MIB2: variants seen among roughly 807,000 people sequenced by gnomAD.
MIB2 encodes E3 ubiquitin-protein ligase MIB2.
Under a neutral mutation model 96.6 loss-of-function variants are expected in MIB2, and 78 were observed. That is an observed-to-expected ratio of 0.81 (90% confidence interval 0.67 to 0.97). MIB2 has a LOEUF of 0.97. Among genes scored for constraint, MIB2 ranks in the 50% least tolerant of loss-of-function variants. The pLI is 0.00. For missense variants in MIB2, 1,543 were observed against 1,424.0 expected (o/e 1.08, Z -1.35); for synonymous variants, 820 against 629.5 (o/e 1.30, Z -4.53).
At chr1:1,616,404 C>T in intron 1 of MIB2, 104 bp from the exon 2 acceptor site, 5 of 821,996 alleles carry the variant, frequency 6.1e-6, no homozygotes, top group East Asian at 3.2e-5. Context: ...CGGCCGTGGG[C>T]CCGAGTGGAC....
chr1:1,629,745 C>A, intron 19 of MIB2, 41 bp downstream of exon 19: 2 of 1,531,274 alleles, frequency 1.3e-6, no homozygotes, highest in Non-Finnish European at 1.8e-6. Context: ...TCCTGCTCAG[C>A]TGGTGGCCCG....
intron 2 of MIB2, 117 bp from the exon 3 acceptor site, chr1:1,623,314 C>T (rs2100431521): frequency 6.9e-6 from 10 of 1,455,322 alleles, no homozygotes; most frequent in Non-Finnish European, 9.1e-6. Flanking sequence ...CCCCGTTGGG[C>T]CTCTCTGCTC....
intron 2 of MIB2, among the ~76,000 whole-genome samples, chr1:1,622,368 G>C (rs920241663): frequency 1.3e-5 from 2 of 152,102 alleles, no homozygotes; most frequent in Admixed American, 1.3e-4. Flanking sequence ...TTGTTAACGA[G>C]ACTGTGCTGA....
intron 18 of MIB2, 24 bp from the exon 19 acceptor site, chr1:1,629,615 C>T (rs755455008): frequency 9.5e-6 from 15 of 1,572,472 alleles, no homozygotes; most frequent in Admixed American, 1.8e-5. Flanking sequence ...AGGGCCGCAG[C>T]CAACCGCGCT....
At chr1:1,615,672 A>G in intron 1 of MIB2, 39 bp downstream of exon 1, 1 of 1,544,242 alleles carries the variant, frequency 6.5e-7, no homozygotes, top group Non-Finnish European at 8.7e-7. Flanking sequence ...GGTCCTCCGC[A>G]CCGTCCCCGA....
chr1:1,629,332 G>T lies in MIB2; in HGVS notation c.2381+21G>T, dbSNP rs61774907. ...TTCCGGTGAGTCCGTGGACGGCGGGGATGGGGTCCGGCGGCCTCCGGGCCC... is the reference window on the plus strand; with the variant it reads ...TTCCGGTGAGTCCGTGGACGGCGGGTATGGGGTCCGGCGGCCTCCGGGCCC... On this transcript the variant is annotated intron_variant, in intron 17 of 19. Transcript: ENST00000355826. 0.34 allele frequency: 489,947 copies of T among 1,455,538 alleles called. 86,504 individuals carry two copies. Among genetic ancestry groups the T allele is most frequent in the Non-Finnish European group, 0.36 (400,871 of 1,116,852 alleles). The allele number at this position is 1,455,538 out of a possible 1,614,324, so 90.2% of individuals were successfully genotyped here. A position where few individuals can be genotyped will look rare whatever the true frequency, so the allele number is the denominator to read the frequency against.
In MIB2 at chr1:1,623,897, A is replaced by G; in HGVS notation, c.371A>G (p.His124Arg). The change falls in exon 4 of 20, where the codon CAT becomes CGT. Residue 124 changes from histidine to arginine, a missense_variant. Coordinates refer to ENST00000355826, the MANE Select transcript of MIB2 (RefSeq NM_001170687.4). ...ACGCAGTGCTACATGCACAACAAGCATGAGCTCGCCCACGCCTTCGACCGC... is the reference window on the plus strand; with the variant it reads ...ACGCAGTGCTACATGCACAACAAGCGTGAGCTCGCCCACGCCTTCGACCGC... ...LCTQCYMHNKHELAHAFDRYE... is the reference protein window; with the variant it reads ...LCTQCYMHNKRELAHAFDRYE... 6.2e-7 allele frequency: 1 copy of G among 1,612,140 alleles called. No homozygotes were observed. Among genetic ancestry groups the G allele is most frequent in the Non-Finnish European group, 8.5e-7 (1 of 1,179,552 alleles).
chr1:1,617,520 A>G (rs1488611856), intron 2 of MIB2: 3 of 152,170 alleles, frequency 2.0e-5, no homozygotes, highest in African/African-American at 2.4e-5. Flanking sequence ...AAGACGGTAA[A>G]TGCTAAATGT....
chr1:1,620,935 G>A (rs1347199484), intron 2 of MIB2, among the ~76,000 whole-genome samples: 4 of 152,252 alleles, frequency 2.6e-5, no homozygotes, highest in African/African-American at 9.6e-5. Context: ...CCATGGAGCT[G>A]GGCTGGCCGG....
intron 2 of MIB2, among the ~76,000 whole-genome samples, chr1:1,622,622 T>C (rs1317167342): frequency 6.6e-6 from 1 of 152,208 alleles, no homozygotes; most frequent in Non-Finnish European, 1.5e-5. Context: ...GTGTGGCGAG[T>C]GGGTCCCTGC....
chr1:1,627,174 G>A lies in MIB2; in HGVS notation c.1341G>A (p.Arg447=). The change falls in exon 11 of 20, where the codon CGG becomes CGA. Residue 447 remains arginine, a synonymous_variant. Coordinates refer to ENST00000355826, the MANE Select transcript of MIB2 (RefSeq NM_001170687.4). ...AGGTGGCGCTGGGTAACGCAGCCCG[G>A]GCTCTGGACCTGCTGCGGAGGCGCC... ...VVEVALGNAA[R]ALDLLRRRPE... The A allele has an allele frequency of 6.3e-7, 1 of 1,592,976 alleles. No homozygotes were observed. The highest frequency in any genetic ancestry group is 8.5e-7 in the Non-Finnish European group (1 of 1,170,440).
rs946205837 is a variant in MIB2, at chr1:1,623,504, G to A, written c.52G>A (p.Gly18Ser). The change falls in exon 3 of 20, where the codon GGC (glycine) becomes AGC (serine). Residue 18 changes from glycine (G) to serine (S), a missense_variant. Physicochemically the swap from Gly to Ser is moderately conservative, Grantham distance 56 (BLOSUM62 0). Transcript: ENST00000355826. ...GVQVGMRVVRGVDWKWGQQDG... is the reference protein window; with the variant it reads ...GVQVGMRVVRSVDWKWGQQDG... ...GCAGGTGGGCATGCGGGTGGTGCGC[G>A]GCGTGGACTGGAAGTGGGGCCAGCA... is the stretch of plus-strand genomic sequence containing the variant. 2.6e-6 allele frequency: 4 copies of A among 1,565,172 alleles called. No individual in the cohort carries two copies. The highest frequency in any genetic ancestry group is 1.9e-5 in the Admixed American group (1 of 53,648).
Position 1,615,762 on chromosome 1 carries a change from C to A in MIB2, c.-130+129C>A, listed in dbSNP as rs192477569. 1.4e-4 allele frequency: 193 copies of A among 1,429,168 alleles called. 1 individual carries two copies. The East Asian group carries it at 4.8e-3, about 35-fold the overall frequency. 88.5% of individuals were successfully genotyped at this position (1,429,168 alleles called of 1,614,324 possible). On this transcript the variant is annotated intron_variant, in intron 1 of 19. Coordinates refer to ENST00000355826, the MANE Select transcript of MIB2 (RefSeq NM_001170687.4). ...CCCAGCAGCCCCGGGCTGGACTCGGCGTAGGGTCCGCACGGGATGGGCTGG... is the reference window on the plus strand; with the variant it reads ...CCCAGCAGCCCCGGGCTGGACTCGGAGTAGGGTCCGCACGGGATGGGCTGG...
At position 1,623,589 on chromosome 1, in the gene MIB2, C is replaced by T. The variant is rs945170160; in HGVS notation, c.137C>T (p.Ser46Leu). 38 of 1,510,436 alleles carry T rather than the reference C, an allele frequency of 2.5e-5. No individual in the cohort carries two copies. The highest frequency in any genetic ancestry group is 5.1e-5 in the South Asian group (4 of 78,770). 93.6% of individuals were successfully genotyped at this position (1,510,436 alleles called of 1,614,324 possible). A position where few individuals can be genotyped will look rare whatever the true frequency, so the allele number is the denominator to read the frequency against. The change falls in exon 3 of 20, where the codon TCG becomes TTG. Residue 46 changes from serine to leucine, a missense_variant. Coordinates refer to ENST00000355826, the MANE Select transcript of MIB2 (RefSeq NM_001170687.4). ...VVELGRHGSP[S>L]TPDRTVVVQW... is the part of the protein sequence containing the mutation. ...GAGCTTGGCCGCCACGGCAGCCCCTCGACACCCGACCGCACAGTGGTCGTG... is the reference window on the plus strand; with the variant it reads ...GAGCTTGGCCGCCACGGCAGCCCCTTGACACCCGACCGCACAGTGGTCGTG...
In MIB2 at chr1:1,628,032, A is replaced by T. The variant is rs1233975906; in HGVS notation, c.1694A>T (p.Asp565Val). The T allele has an allele frequency of 9.3e-6, 15 of 1,612,644 alleles. No homozygotes were observed. The highest frequency in any genetic ancestry group is 1.3e-5 in the African/African-American group (1 of 74,868). The change falls in exon 14 of 20, where the codon GAC becomes GTC. Residue 565 changes from aspartate (D) to valine (V), a missense_variant. Physicochemically the swap from Asp to Val is radical, Grantham distance 152. Coordinates refer to ENST00000355826, the MANE Select transcript of MIB2 (RefSeq NM_001170687.4). ...CDVNLPDAHS[D>V]TPLHSAISAG... is the part of the protein sequence containing the mutation. ...CCGCCCCAGCAGGACGCCCACTCGG[A>T]CACGCCCCTGCACTCCGCCATCTCG...
rs1213041642 is a variant in MIB2, at chr1:1,626,792, C to A, written c.1077+38C>A. 2 of 1,587,656 alleles carry A rather than the reference C, an allele frequency of 1.3e-6. No homozygotes were observed. Among genetic ancestry groups the A allele is most frequent in the Admixed American group, 1.7e-5 (1 of 58,988 alleles). The stretch of plus-strand genomic sequence containing the variant: ...GCCACCCCCGCCGCTAGCGCCGCTG[C>A]CCCCCACACCTGCAGCCTGCTGTGA... On this transcript the variant is annotated intron_variant, in intron 9 of 19. Coordinates refer to ENST00000355826, the MANE Select transcript of MIB2 (RefSeq NM_001170687.4). The surrounding 1 kb of genome is among the most constrained non-coding windows in gnomAD (Gnocchi z 5.3).
chr1:1,627,638 C>T (rs374423818), intron 12 of MIB2, 35 bp from the exon 13 acceptor site: 15 of 1,571,712 alleles, frequency 9.5e-6, no homozygotes, highest in East Asian at 2.3e-5. Flanking sequence ...CCACCGGGCC[C>T]GGCGCCCTCC....
Position 1,626,621 on chromosome 1 carries a change from G to T in MIB2, c.973-29G>T. The T allele has an allele frequency of 6.6e-7, 1 of 1,509,738 alleles. No individual in the cohort carries two copies. 93.5% of individuals were successfully genotyped at this position (1,509,738 alleles called of 1,614,324 possible). A position where few individuals can be genotyped will look rare whatever the true frequency, so the allele number is the denominator to read the frequency against. On this transcript the variant is annotated intron_variant, in intron 8 of 19. Coordinates refer to ENST00000355826, the MANE Select transcript of MIB2 (RefSeq NM_001170687.4). This position sits in a 1 kb window ranked among gnomAD's most constrained non-coding sequence, Gnocchi z 5.3. ...CCTGGGCAGCCACACACAGCTGGGG[G>T]GCCCCTCACGCCCCTCTTTGTCGCT... is the stretch of plus-strand genomic sequence containing the variant.
chr1:1,625,245 G>T lies in MIB2; in HGVS notation c.722-41G>T. 1 of 1,601,014 alleles carries T rather than the reference G, an allele frequency of 6.2e-7. No homozygotes were observed. The highest frequency in any genetic ancestry group is 8.5e-7 in the Non-Finnish European group (1 of 1,175,072). On this transcript the variant is annotated intron_variant, in intron 6 of 19. Transcript: ENST00000355826. This position sits in a 1 kb window ranked among gnomAD's most constrained non-coding sequence, Gnocchi z 5.0. ...CTGCCTTGGCTGAAGTCCCAGAGGG[G>T]AGGGGCCGCTGCCTGAGGCCTGGTC...
Sources: allele counts gnomAD v4.1 joint callset (sites outside exome capture counted in the v4.1 genomes callset), GRCh38; gene constraint gnomAD v4.1.1; non-coding constraint Gnocchi (gnomAD v3.1); transcripts MANE v1.5; gene names NCBI Gene and HGNC (gene_info 2026-07-23, HGNC 2026-07-21).